The following CPNE4 variants were observed in gnomAD, a reference collection of about 807,000 sequenced individuals.
CPNE4 encodes copine 4, also known as copine-4.
CPNE4 carries 25 observed loss-of-function variants against 67.9 expected under a neutral mutation model. That is an observed-to-expected ratio of 0.37 (90% CI 0.27 to 0.51). The LOEUF (loss-of-function observed/expected upper bound fraction) is 0.51, where lower values mean the gene tolerates loss of function less well. Among genes scored for constraint, CPNE4 ranks in the 20% least tolerant of loss-of-function variants. The pLI is 0.93. For synonymous variants in CPNE4, 242 were observed against 244.9 expected (o/e 0.99, Z 0.11); for missense variants, 464 against 690.8 (o/e 0.67, Z 3.68).
intron 10 of CPNE4, among the ~76,000 whole-genome samples, chr3:131,568,612 G>A (rs1937178174): frequency 6.6e-6 from 1 of 152,048 alleles, no homozygotes; most frequent in South Asian, 2.1e-4. Context: ...TGCCCAGGAA[G>A]CCACTGCTCA....
intron 7 of CPNE4, among the ~76,000 whole-genome samples, chr3:131,607,506 C>A (rs1355507288): frequency 6.6e-6 from 1 of 152,112 alleles, no homozygotes; most frequent in Non-Finnish European, 1.5e-5. Flanking sequence ...ATTATTAGAA[C>A]CTAATTAGAA....
At chr3:131,807,107 T>C (rs888342922) in intron 2 of CPNE4, among the ~76,000 whole-genome samples, 2 of 152,192 alleles carry the variant, frequency 1.3e-5, no homozygotes, top group African/African-American at 2.4e-5. Flanking sequence ...CAGTATTCTA[T>C]GCTGCCAGTG....
intron 1 of CPNE4, among the ~76,000 whole-genome samples, chr3:131,986,830 CA>C (rs369896508): frequency 3.3e-3 from 291 of 87,388 alleles, no homozygotes; most frequent in African/African-American, 0.013. Context: ...GACTCGGTCT[CA>C]AAAAAAAAAA....
intron 2 of CPNE4, among the ~76,000 whole-genome samples, chr3:131,864,335 T>C (rs191854091): frequency 3.1e-4 from 47 of 152,302 alleles, no homozygotes; most frequent in African/African-American, 1.1e-3. Flanking sequence ...TTCCTACCCA[T>C]GATCATGGAA....
chr3:131,686,532 CT>C (rs2080893993), intron 5 of CPNE4, among the ~76,000 whole-genome samples: 1 of 152,140 alleles, frequency 6.6e-6, no homozygotes, highest in Non-Finnish European at 1.5e-5. Flanking sequence ...GGGGAGAAGT[CT>C]CCTGAATCCA....
chr3:131,635,240 A>G (rs895888820), intron 7 of CPNE4, among the ~76,000 whole-genome samples: 2 of 152,338 alleles, frequency 1.3e-5, no homozygotes, highest in African/African-American at 4.8e-5. Flanking sequence ...ACCCATCATA[A>G]ACAGAAGGCT....
chr3:131,705,886 G>A (rs1254316437), intron 3 of CPNE4, among the ~76,000 whole-genome samples: 1 of 152,094 alleles, frequency 6.6e-6, no homozygotes, highest in Non-Finnish European at 1.5e-5. Flanking sequence ...CATCTCTTGG[G>A]TAATGCCTTG....
intron 9 of CPNE4, among the ~76,000 whole-genome samples, chr3:131,579,824 GA>G (rs1266526701): frequency 6.6e-6 from 1 of 152,200 alleles, no homozygotes; most frequent in African/African-American, 2.4e-5. Flanking sequence ...GATAAACAAA[GA>G]AAGTGGTTTC....
At chr3:131,686,638 A>G (rs1317011942) in intron 5 of CPNE4, among the ~76,000 whole-genome samples, 1 of 152,202 alleles carries the variant, frequency 6.6e-6, no homozygotes, top group Admixed American at 6.5e-5. Flanking sequence ...TATAGTCCTA[A>G]AAGGACCCTA....
intron 2 of CPNE4, among the ~76,000 whole-genome samples, chr3:131,881,829 T>C (rs2087683390): frequency 6.6e-6 from 1 of 152,208 alleles, no homozygotes; most frequent in African/African-American, 2.4e-5. Context: ...CCTTCCGCAG[T>C]TGTGGTGAAG....
At chr3:131,804,409 G>A (rs1382289893) in intron 2 of CPNE4, among the ~76,000 whole-genome samples, 2 of 151,976 alleles carry the variant, frequency 1.3e-5, no homozygotes, top group African/African-American at 2.4e-5. Context: ...ATATCTTCCC[G>A]AGGTATGACT....
intron 5 of CPNE4, among the ~76,000 whole-genome samples, chr3:131,695,896 T>C (rs1583035129): frequency 1.3e-5 from 2 of 152,252 alleles, no homozygotes; most frequent in African/African-American, 4.8e-5. Flanking sequence ...ATTGTGGATA[T>C]ATTATTACTA....
chr3:131,596,080 G>A (rs904443361), intron 7 of CPNE4, among the ~76,000 whole-genome samples: 1 of 152,162 alleles, frequency 6.6e-6, no homozygotes, highest in Non-Finnish European at 1.5e-5. Flanking sequence ...TGCTTACAGT[G>A]AACAGTATAG....
chr3:131,889,390 C>T (rs2088018910), intron 2 of CPNE4, among the ~76,000 whole-genome samples: 1 of 152,166 alleles, frequency 6.6e-6, no homozygotes, highest in Non-Finnish European at 1.5e-5. Flanking sequence ...TTCCCAAGGT[C>T]ACACAGTTAA....
intron 2 of CPNE4, among the ~76,000 whole-genome samples, chr3:131,854,437 G>C (rs1024405349): frequency 6.6e-6 from 1 of 151,866 alleles, no homozygotes; most frequent in Non-Finnish European, 1.5e-5. Flanking sequence ...TGTTTTGGGT[G>C]ATTTTTACCT....
intron 1 of CPNE4, among the ~76,000 whole-genome samples, chr3:131,925,098 C>A (rs975961870): frequency 6.6e-6 from 1 of 152,096 alleles, no homozygotes; most frequent in African/African-American, 2.4e-5. Context: ...TTCCTCTCGT[C>A]ATTTTGAGAT....
intron 1 of CPNE4, among the ~76,000 whole-genome samples, chr3:131,985,614 A>G (rs1432769939): frequency 1.3e-5 from 2 of 152,220 alleles, no homozygotes; most frequent in African/African-American, 2.4e-5. Context: ...ACTGAGAATC[A>G]TAAGTTCTTT....
At chr3:131,720,561 G>A (rs2107740858) in intron 3 of CPNE4, among the ~76,000 whole-genome samples, 1 of 152,276 alleles carries the variant, frequency 6.6e-6, no homozygotes. Flanking sequence ...TGGGATTACA[G>A]GCGTGAGCCA....
intron 2 of CPNE4, among the ~76,000 whole-genome samples, chr3:131,809,117 A>C (rs189641241): frequency 3.2e-4 from 48 of 152,262 alleles, no homozygotes; most frequent in African/African-American, 1.1e-3. Context: ...TTAGGCTGCT[A>C]ATCAGCTGAA....
Sources: gnomAD v4.1 joint callset for allele counts (sites outside exome capture counted in the v4.1 genomes callset) on GRCh38, gnomAD v4.1.1 for gene constraint, MANE v1.5 for transcripts, NCBI Gene and HGNC (gene_info 2026-07-23, HGNC 2026-07-21) for gene names.